ROBO1: variants seen among roughly 807,000 people sequenced by gnomAD.
The protein encoded by ROBO1 is roundabout guidance receptor 1, also known as roundabout homolog 1.
ROBO1 carries 149 observed loss-of-function variants against 195.9 expected under a neutral mutation model. That is an observed-to-expected ratio of 0.76 (90% CI 0.67 to 0.87). The LOEUF (loss-of-function observed/expected upper bound fraction) is 0.87. Among genes scored for constraint, ROBO1 ranks in the 40% least tolerant of loss-of-function variants. The probability of loss-of-function intolerance (pLI) is 0.00; values close to 1 mark genes in which losing one functional copy is unlikely to be tolerated. For missense variants in ROBO1, 1,933 were observed against 2,068.3 expected, an observed-to-expected ratio of 0.93 and a Z score of 1.27; for synonymous variants, 816 against 733.2, an observed-to-expected ratio of 1.11 and a Z score of -1.82.
At chr3:78,694,992 A>C (rs192453155) in intron 8 of ROBO1, among the ~76,000 whole-genome samples, 2 of 152,084 alleles carry the variant, frequency 1.3e-5, no homozygotes, top group East Asian at 1.9e-4. Context: ...AACAAAAAAA[A>C]CTGGAAAGCA....
At position 79,099,907 on chromosome 3, in the gene ROBO1, G is replaced by A. The variant is rs552515205; in HGVS notation, c.172+25549C>T. On this transcript the variant is annotated intron_variant, in intron 3 of 30. Coordinates refer to ENST00000464233, the MANE Select transcript of ROBO1 (RefSeq NM_002941.4). ...AGTCGTATGTATTATATCCTCTGCA[G>A]AGGCCAGGGAATGAATTGGAAGGAG... 1.4e-4 allele frequency among the ~76,000 whole-genome samples: 21 copies of A among 151,906 alleles called. 1 individual carries two copies. The highest frequency in any genetic ancestry group is 4.8e-4 in the African/African-American group (20 of 41,510).
intron 8 of ROBO1, among the ~76,000 whole-genome samples, chr3:78,689,563 G>C (rs1364443276): frequency 6.6e-6 from 1 of 151,224 alleles, no homozygotes; most frequent in Non-Finnish European, 1.5e-5. Context: ...GCTGAGCTTT[G>C]TGCTCGGAAA....
In ROBO1 at chr3:78,657,593, C is replaced by T. The variant is rs547092699; in HGVS notation, c.2443-324G>A. ...TTTAGATTTCTTTTTAACACCAACA[C>T]ATTATCTGCCAGCTAAATAAGTACC... On this transcript the variant is annotated intron_variant, in intron 17 of 30. Coordinates refer to ENST00000464233, the MANE Select transcript of ROBO1 (RefSeq NM_002941.4). Among the ~76,000 whole-genome samples, 267 of 152,354 alleles carry T rather than the reference C, an allele frequency of 1.8e-3. 2 individuals carry two copies. The highest frequency in any genetic ancestry group is 6.2e-3 in the African/African-American group (257 of 41,578).
At chr3:79,591,775 A>C (rs1244178711) in intron 1 of ROBO1, among the ~76,000 whole-genome samples, 1 of 151,770 alleles carries the variant, frequency 6.6e-6, no homozygotes, top group Non-Finnish European at 1.5e-5. Flanking sequence ...AAAATGTATA[A>C]GTATATTGTG....
At chr3:78,713,874 T>G (rs1312499740) in intron 8 of ROBO1, among the ~76,000 whole-genome samples, 1 of 152,254 alleles carries the variant, frequency 6.6e-6, no homozygotes, top group African/African-American at 2.4e-5. Context: ...TTTGTTATGA[T>G]GCAGGCACTC....
chr3:79,340,813 A>G (rs1302124564), intron 2 of ROBO1, among the ~76,000 whole-genome samples: 1 of 152,204 alleles, frequency 6.6e-6, no homozygotes, highest in Non-Finnish European at 1.5e-5. Context: ...AAATATATTG[A>G]AGGTTGGCAT....
intron 1 of ROBO1, among the ~76,000 whole-genome samples, chr3:79,726,471 T>TTGA (rs1702930910): frequency 6.6e-6 from 1 of 152,346 alleles, no homozygotes; most frequent in African/African-American, 2.4e-5. Context: ...AAATAAATGC[T>TTGA]TGATGTTGAA....
chr3:79,542,535 T>C (rs1305339357), intron 2 of ROBO1, among the ~76,000 whole-genome samples: 1 of 152,090 alleles, frequency 6.6e-6, no homozygotes, highest in Non-Finnish European at 1.5e-5. Context: ...TCATAATATA[T>C]ATTCAAAGGT....
chr3:79,717,218 T>TC (rs376807593), intron 1 of ROBO1, among the ~76,000 whole-genome samples: 3 of 151,912 alleles, frequency 2.0e-5, no homozygotes, highest in Non-Finnish European at 4.4e-5. Flanking sequence ...CTTTTGTTTT[T>TC]CTGAATTTAG....
In ROBO1 at chr3:79,508,793, G is replaced by A. The variant is rs1411815764; in HGVS notation, c.88+81031C>T. ...CCTTCTTCTATTTAGCATGGGTTTT[G>A]TTGGAGGCTGGTCAAGTTAATTACA... On this transcript the variant is annotated intron_variant, in intron 2 of 30. Transcript: ENST00000464233. 2.0e-5 allele frequency among the ~76,000 whole-genome samples: 3 copies of A among 152,150 alleles called. No homozygotes were observed. The East Asian group carries it at 5.8e-4, about 29-fold the overall frequency.
chr3:79,173,013 A>G (rs1378549018), intron 2 of ROBO1, among the ~76,000 whole-genome samples: 8 of 152,172 alleles, frequency 5.3e-5, no homozygotes, highest in Non-Finnish European at 2.9e-5. Context: ...ATCTGCCTCT[A>G]TAACACTGAA....
intron 28 of ROBO1, among the ~76,000 whole-genome samples, chr3:78,613,372 C>A (rs887544989): frequency 1.3e-5 from 2 of 152,082 alleles, no homozygotes; most frequent in South Asian, 2.1e-4. Context: ...TTCTGGTGGT[C>A]CCATAAATGT....
chr3:78,700,115 G>A (rs1242853350), intron 8 of ROBO1, among the ~76,000 whole-genome samples: 1 of 152,140 alleles, frequency 6.6e-6, no homozygotes, highest in East Asian at 1.9e-4. Flanking sequence ...TCAAGGTGAG[G>A]CTGCTACTCA....
chr3:79,086,779 T>G (rs1180531781), intron 3 of ROBO1, among the ~76,000 whole-genome samples: 5 of 152,170 alleles, frequency 3.3e-5, no homozygotes, highest in Non-Finnish European at 4.4e-5. Context: ...CTTTTATTTT[T>G]TTTACTAATA....
intron 4 of ROBO1, among the ~76,000 whole-genome samples, chr3:78,897,475 T>C (rs1458897640): frequency 2.0e-5 from 3 of 152,210 alleles, no homozygotes; most frequent in African/African-American, 4.8e-5. Context: ...TCGGTAGATA[T>C]GTTCATCAGT....
At chr3:78,837,553 A>G (rs538564754) in intron 4 of ROBO1, among the ~76,000 whole-genome samples, 21 of 152,286 alleles carry the variant, frequency 1.4e-4, no homozygotes, top group Admixed American at 2.0e-4. Context: ...TTGTTATTCT[A>G]AATGAGATAC....
chr3:78,814,738 G>A (rs985071188), intron 4 of ROBO1, among the ~76,000 whole-genome samples: 4 of 151,948 alleles, frequency 2.6e-5, no homozygotes, highest in South Asian at 2.1e-4. Flanking sequence ...ACCAATTCAC[G>A]GTTGGTTTAA....
intron 2 of ROBO1, among the ~76,000 whole-genome samples, chr3:79,529,814 C>T (rs983702313): frequency 2.6e-5 from 4 of 152,174 alleles, no homozygotes; most frequent in Non-Finnish European, 5.9e-5. Flanking sequence ...CAGCCTTCAA[C>T]ATTTCTATGA....
At chr3:78,994,292 AC>A (rs2077308284) in intron 3 of ROBO1, among the ~76,000 whole-genome samples, 1 of 152,140 alleles carries the variant, frequency 6.6e-6, no homozygotes, top group Admixed American at 6.6e-5. Flanking sequence ...GTATCAGATT[AC>A]CCCAAGTATT....
Sources: gnomAD v4.1 joint callset for allele counts (sites outside exome capture counted in the v4.1 genomes callset) on GRCh38, gnomAD v4.1.1 for gene constraint, MANE v1.5 for transcripts, NCBI Gene and HGNC (gene_info 2026-07-23, HGNC 2026-07-21) for gene names.